Variants in MDGA2 observed in about 807,000 individuals in gnomAD.
MDGA2 encodes MAM domain-containing glycosylphosphatidylinositol anchor protein 2.
In MDGA2, 40 loss-of-function variants were observed where a neutral mutation model predicts 117.8. That is an observed-to-expected ratio of 0.34 (90% CI 0.26 to 0.44). The LOEUF (loss-of-function observed/expected upper bound fraction) is 0.44. Among genes scored for constraint, MDGA2 ranks in the 20% least tolerant of loss-of-function variants. The pLI is 1.00. For missense variants in MDGA2, 1,123 were observed against 1,250.6 expected, an observed-to-expected ratio of 0.90 and a Z score of 1.54; for synonymous variants, 452 against 439.0, an observed-to-expected ratio of 1.03 and a Z score of -0.37.
At chr14:47,490,707 G>A (rs1007358535) in intron 1 of MDGA2, among the ~76,000 whole-genome samples, 5 of 152,062 alleles carry the variant, frequency 3.3e-5, no homozygotes, top group African/African-American at 1.2e-4. Flanking sequence ...TACAAAGGAA[G>A]AAACTTTGAA....
At chr14:47,348,287 C>A (rs1158218188) in intron 1 of MDGA2, among the ~76,000 whole-genome samples, 2 of 151,448 alleles carry the variant, frequency 1.3e-5, no homozygotes, top group Non-Finnish European at 1.5e-5. Context: ...TGTGATCTCA[C>A]TGCAACCCCT....
intron 1 of MDGA2, among the ~76,000 whole-genome samples, chr14:47,516,759 G>C (rs1355617886): frequency 1.3e-5 from 2 of 152,126 alleles, no homozygotes; most frequent in African/African-American, 2.4e-5. Context: ...GGAACCTTTA[G>C]ATCAAGATGT....
chr14:47,558,865 A>G (rs1895738850), intron 1 of MDGA2, among the ~76,000 whole-genome samples: 1 of 152,206 alleles, frequency 6.6e-6, no homozygotes, highest in Non-Finnish European at 1.5e-5. Context: ...ATAATTTTCT[A>G]TCATTCCTGT....
chr14:47,172,625 C>A (rs528074457), intron 3 of MDGA2, among the ~76,000 whole-genome samples: 20 of 152,234 alleles, frequency 1.3e-4, no homozygotes, highest in African/African-American at 4.3e-4. Context: ...ACAGAAAGGA[C>A]ATCCACACCA....
At chr14:47,079,353 C>G (rs1347532417) in intron 6 of MDGA2, among the ~76,000 whole-genome samples, 1 of 152,098 alleles carries the variant, frequency 6.6e-6, no homozygotes, top group African/African-American at 2.4e-5. Flanking sequence ...GAGCAAAACC[C>G]AAGCATTGAT....
At chr14:46,959,609 C>T (rs974265027) in intron 8 of MDGA2, among the ~76,000 whole-genome samples, 5 of 151,848 alleles carry the variant, frequency 3.3e-5, no homozygotes, top group Admixed American at 6.6e-5. Context: ...TATTTTATTA[C>T]ATTTTTGTAT....
At chr14:47,365,671 T>G (rs1891216576) in intron 1 of MDGA2, among the ~76,000 whole-genome samples, 1 of 152,224 alleles carries the variant, frequency 6.6e-6, no homozygotes, top group Non-Finnish European at 1.5e-5. Flanking sequence ...GGTAACTAAT[T>G]CTGTTTCCAA....
chr14:46,851,566 C>T (rs575211600), intron 15 of MDGA2, among the ~76,000 whole-genome samples: 1 of 151,864 alleles, frequency 6.6e-6, no homozygotes, highest in Admixed American at 6.6e-5. Context: ...CACACTCAAA[C>T]AAAGGACTGT....
intron 3 of MDGA2, among the ~76,000 whole-genome samples, chr14:47,200,253 A>C (rs1286047347): frequency 1.3e-5 from 2 of 152,020 alleles, no homozygotes; most frequent in Non-Finnish European, 2.9e-5. Context: ...TATCACCACC[A>C]TATATGGCAT....
chr14:47,154,753 C>A (rs978417993), intron 3 of MDGA2, among the ~76,000 whole-genome samples: 1 of 152,142 alleles, frequency 6.6e-6, no homozygotes, highest in Non-Finnish European at 1.5e-5. Flanking sequence ...GAGGGCCACT[C>A]GGCACCGGCC....
At chr14:46,845,963 C>T in intron 15 of MDGA2, 92 bp from the exon 16 acceptor site, 5 of 883,128 alleles carry the variant, frequency 5.7e-6, no homozygotes, top group African/African-American at 1.7e-5. Flanking sequence ...ATAAACTTGT[C>T]AGTAATCCTG....
intron 8 of MDGA2, among the ~76,000 whole-genome samples, chr14:46,992,232 T>C (rs1015062423): frequency 1.3e-5 from 2 of 152,138 alleles, no homozygotes; most frequent in African/African-American, 2.4e-5. Context: ...TAATAATCTG[T>C]AGTAAATCTA....
rs549797799 is a variant in MDGA2 at position 47,230,625 on chromosome 14, T to C, written c.421-12430A>G. ...CCTCATATTTTGCCACTATAATATT[T>C]GAACGACTTTTAGAAAAATAGGAAC... On this transcript the variant is annotated intron_variant, in intron 2 of 16. Coordinates refer to ENST00000399232, the MANE Select transcript of MDGA2 (RefSeq NM_001113498.3). Among the ~76,000 whole-genome samples the C allele has an allele frequency of 9.9e-5, 15 of 152,078 alleles. No individual in the cohort carries two copies. The East Asian group carries it at 2.7e-3, about 27-fold the overall frequency.
intron 1 of MDGA2, among the ~76,000 whole-genome samples, chr14:47,438,141 T>C (rs535738122): frequency 6.6e-6 from 1 of 152,266 alleles, no homozygotes; most frequent in Admixed American, 6.5e-5. Context: ...GTACAACCTA[T>C]CCATTACTGA....
intron 1 of MDGA2, among the ~76,000 whole-genome samples, chr14:47,461,822 A>G (rs1373883667): frequency 6.6e-6 from 1 of 152,196 alleles, no homozygotes; most frequent in East Asian, 1.9e-4. Context: ...TTTCCCAGAA[A>G]CCCAATTTAA....
At chr14:47,167,184 T>C (rs1313661473) in intron 3 of MDGA2, among the ~76,000 whole-genome samples, 1 of 151,820 alleles carries the variant, frequency 6.6e-6, no homozygotes, top group Non-Finnish European at 1.5e-5. Flanking sequence ...TTTTTTTTGG[T>C]CCAGACTATT....
chr14:46,880,824 A>G (rs1160671520), intron 11 of MDGA2, among the ~76,000 whole-genome samples: 1 of 150,394 alleles, frequency 6.6e-6, no homozygotes, highest in Admixed American at 6.7e-5. Context: ...AAAAAAAAAA[A>G]AAGAAAGAAT....
Position 47,114,576 on chromosome 14 carries a change from T to C in MDGA2, c.925+17138A>G, listed in dbSNP as rs538813696. 5.9e-5 allele frequency among the ~76,000 whole-genome samples: 9 copies of C among 152,140 alleles called. No individual in the cohort carries two copies. The East Asian group carries it at 9.7e-4, about 16-fold the overall frequency. ...AGGGTAGTGGTACAAAACAGACACATAGACCAATGGAACAGAATAGAGATC... is the reference window on the plus strand; with the variant it reads ...AGGGTAGTGGTACAAAACAGACACACAGACCAATGGAACAGAATAGAGATC... On this transcript the variant is annotated intron_variant, in intron 5 of 16. Transcript: ENST00000399232.
chr14:47,092,560 G>C (rs1040225485), intron 6 of MDGA2, among the ~76,000 whole-genome samples: 1 of 152,136 alleles, frequency 6.6e-6, no homozygotes, highest in Non-Finnish European at 1.5e-5. Flanking sequence ...GGTGGAGAAA[G>C]GAGAACCTGT....
Sources: gnomAD v4.1 joint callset for allele counts (sites outside exome capture counted in the v4.1 genomes callset) on GRCh38, gnomAD v4.1.1 for gene constraint, MANE v1.5 for transcripts, NCBI Gene and HGNC (gene_info 2026-07-23, HGNC 2026-07-21) for gene names.